The following TTYH1 variants were observed in gnomAD, a reference collection of about 807,000 sequenced individuals.
TTYH1 encodes tweety family member 1.
Under a neutral mutation model 61.2 loss-of-function variants are expected in TTYH1, and 33 were observed. The ratio of observed to expected loss-of-function variants is 0.54; its 90% CI spans 0.41 to 0.72. The LOEUF (loss-of-function observed/expected upper bound fraction) is 0.72. Among genes scored for constraint, TTYH1 ranks in the 30% least tolerant of loss-of-function variants. The pLI is 0.00. For missense variants in TTYH1, 538 were observed against 575.8 expected, an observed-to-expected ratio of 0.93 and a Z score of 0.67; for synonymous variants, 308 against 266.4, an observed-to-expected ratio of 1.16 and a Z score of -1.52.
At chr19:54,428,993 C>T (rs1009161376) in intron 5 of TTYH1, among the ~76,000 whole-genome samples, 7 of 152,126 alleles carry the variant, frequency 4.6e-5, no homozygotes, top group Non-Finnish European at 8.8e-5. Flanking sequence ...GGGGAGCCTT[C>T]GGGGGAAGTG....
At position 54,430,822 on chromosome 19, in the gene TTYH1, C is replaced by T. The variant is rs199946983; in HGVS notation, c.949C>T (p.Leu317=). 1.2e-6 allele frequency: 2 copies of T among 1,613,970 alleles called. No individual in the cohort carries two copies. Among genetic ancestry groups the T allele is most frequent in the Non-Finnish European group, 1.7e-6 (2 of 1,179,944 alleles). Residue 317 remains leucine (L), a synonymous_variant, in exon 9 of 14, where the codon CTG becomes TTG. Transcript: ENST00000376530. ...CTTTCTCTTTCTGCAGAGGCTGACT[C>T]TGTCCCAGCGAGCTCTGGCCAACAT... The part of the protein sequence containing the change: ...VSNPFQQRLT[L]SQRALANIHS...
Position 54,420,506 on chromosome 19 carries a change from G to A in TTYH1, c.306-771G>A, listed in dbSNP as rs183400220. ...GGAGGCCCAGCCGGGGCTGGGAACCGGGAGGGTGTCAGGCTCCCGCCCCCT... is the reference window on the plus strand; with the variant it reads ...GGAGGCCCAGCCGGGGCTGGGAACCAGGAGGGTGTCAGGCTCCCGCCCCCT... On this transcript the variant is annotated intron_variant, in intron 2 of 13. Transcript: ENST00000376530. The surrounding 1 kb of genome is among the most constrained non-coding windows in gnomAD (Gnocchi z 4.8). 1.1e-3 allele frequency among the ~76,000 whole-genome samples: 170 copies of A among 151,936 alleles called. No individual in the cohort carries two copies. Among genetic ancestry groups the A allele is most frequent in the African/African-American group, 3.2e-3 (132 of 41,460 alleles).
rs994001308 is a variant in TTYH1, at chr19:54,419,153, C to T, written c.152C>T (p.Ala51Val). Residue 51 changes from alanine (A) to valine (V), a missense_variant, in exon 2 of 14, where the codon GCG (alanine) becomes GTG (valine). Coordinates refer to ENST00000376530, the MANE Select transcript of TTYH1 (RefSeq NM_020659.4). The surrounding 1 kb of genome is among the most constrained non-coding windows in gnomAD (Gnocchi z 6.1). ...QQALLLVAAL[A>V]GLGLGLSLIF... Reference sequence around the variant, plus strand: ...GCCTTGTTGCTGGTGGCGGCCTTGGCGGGCCTGGGCTTGGGCCTGAGCCTC... The same window carrying T: ...GCCTTGTTGCTGGTGGCGGCCTTGGTGGGCCTGGGCTTGGGCCTGAGCCTC... 28 of 1,612,162 alleles carry T rather than the reference C, an allele frequency of 1.7e-5. 1 individual carries two copies. The highest frequency in any genetic ancestry group is 1.3e-4 in the Admixed American group (8 of 59,820).
chr19:54,435,499 G>T, intron 10 of TTYH1, 43 bp from the exon 11 acceptor site: 2 of 1,553,328 alleles, frequency 1.3e-6, no homozygotes, highest in Non-Finnish European at 1.7e-6. Context: ...TGCCGATGGG[G>T]GAGGGGGTGG....
intron 10 of TTYH1, chr19:54,433,611 T>C (rs986081052): frequency 2.1e-5 from 3 of 145,426 alleles, no homozygotes; most frequent in African/African-American, 7.7e-5. Context: ...CTCGTGCCTA[T>C]AAACCCAGCA....
In TTYH1 at chr19:54,416,987, G is replaced by A; in HGVS notation, c.126+1309G>A. On this transcript the variant is annotated intron_variant, in intron 1 of 13. Coordinates refer to ENST00000376530, the MANE Select transcript of TTYH1 (RefSeq NM_020659.4). This position sits in a 1 kb window ranked among gnomAD's most constrained non-coding sequence, Gnocchi z 7.0. The stretch of plus-strand genomic sequence containing the variant: ...CGGGGGTCAGGGTCAGGGTGGCAGG[G>A]ATGCGCGGGCAGAGCCCCACAGCCG... 2 of 1,206,696 alleles carry A rather than the reference G, an allele frequency of 1.7e-6. No homozygotes were observed. Among genetic ancestry groups the A allele is most frequent in the Non-Finnish European group, 2.1e-6 (2 of 950,200 alleles). The allele number at this position is 1,206,696 out of a possible 1,614,324, so 74.7% of individuals were successfully genotyped here. A position where few individuals can be genotyped will look rare whatever the true frequency, so the allele number is the denominator to read the frequency against.
chr19:54,418,073 C>T (rs1041965519), intron 1 of TTYH1, among the ~76,000 whole-genome samples: 3 of 151,882 alleles, frequency 2.0e-5, no homozygotes, highest in African/African-American at 7.3e-5. Flanking sequence ...GCAGAAACAC[C>T]GTGGTTTAGG....
rs2083190964 is a variant in TTYH1, at chr19:54,420,554, G to C, written c.306-723G>C. On this transcript the variant is annotated intron_variant, in intron 2 of 13. Transcript: ENST00000376530. This position sits in a 1 kb window ranked among gnomAD's most constrained non-coding sequence, Gnocchi z 4.8. ...CCTCCACTGCGGGACACCGGCCGGG[G>C]GCGGGGACGGGAGGGGTCTGGGGCC... 6.6e-6 allele frequency: 1 copy of C among 152,564 alleles called. No homozygotes were observed. The highest frequency in any genetic ancestry group is 2.4e-5 in the African/African-American group (1 of 41,390). The allele number at this position is 152,564 out of a possible 1,614,324, so 9.5% of individuals were successfully genotyped here. A position where few individuals can be genotyped will look rare whatever the true frequency, so the allele number is the denominator to read the frequency against.
chr19:54,416,849 C>T lies in TTYH1; in HGVS notation c.126+1171C>T. 2 of 1,293,316 alleles carry T rather than the reference C, an allele frequency of 1.5e-6. No homozygotes were observed. Among genetic ancestry groups the T allele is most frequent in the Non-Finnish European group, 1.0e-6 (1 of 988,638 alleles). The allele number at this position is 1,293,316 out of a possible 1,614,324, so 80.1% of individuals were successfully genotyped here. On this transcript the variant is annotated intron_variant, in intron 1 of 13. Transcript: ENST00000376530. The surrounding 1 kb of genome is among the most constrained non-coding windows in gnomAD (Gnocchi z 7.0). ...CGCTCCACCGGCTCCGGCCTCGGCCCAGACTCACGCCCGCTCTGGCCCGGA... is the reference window on the plus strand; with the variant it reads ...CGCTCCACCGGCTCCGGCCTCGGCCTAGACTCACGCCCGCTCTGGCCCGGA...
Position 54,416,861 on chromosome 19 carries a change from C to T in TTYH1, c.126+1183C>T. 3.9e-6 allele frequency: 5 copies of T among 1,292,390 alleles called. No homozygotes were observed. Among genetic ancestry groups the T allele is most frequent in the Non-Finnish European group, 4.0e-6 (4 of 988,342 alleles). The allele number at this position is 1,292,390 out of a possible 1,614,324, so 80.1% of individuals were successfully genotyped here. ...TCCGGCCTCGGCCCAGACTCACGCCCGCTCTGGCCCGGAGACCTCCCGAAG... is the reference window on the plus strand; with the variant it reads ...TCCGGCCTCGGCCCAGACTCACGCCTGCTCTGGCCCGGAGACCTCCCGAAG... On this transcript the variant is annotated intron_variant, in intron 1 of 13. Coordinates refer to ENST00000376530, the MANE Select transcript of TTYH1 (RefSeq NM_020659.4). This position sits in a 1 kb window ranked among gnomAD's most constrained non-coding sequence, Gnocchi z 7.0.
chr19:54,427,827 G>A (rs948296533), intron 5 of TTYH1, among the ~76,000 whole-genome samples: 2 of 152,090 alleles, frequency 1.3e-5, no homozygotes, highest in Non-Finnish European at 1.5e-5. Flanking sequence ...TTCACAGCTC[G>A]CTCTACGCGC....
Position 54,429,797 on chromosome 19 carries a change from G to T in TTYH1, c.808-85G>T. 1 of 1,220,334 alleles carries T rather than the reference G, an allele frequency of 8.2e-7. No individual in the cohort carries two copies. Among genetic ancestry groups the T allele is most frequent in the Non-Finnish European group, 1.2e-6 (1 of 837,114 alleles). 75.6% of individuals were successfully genotyped at this position (1,220,334 alleles called of 1,614,324 possible). ...CCTGGACCCCTGGGTGGGGAGGGGA[G>T]CTGGGGAGCCAGGCACTGGGTGCTG... On this transcript the variant is annotated intron_variant, in intron 6 of 13. Transcript: ENST00000376530. This position sits in a 1 kb window ranked among gnomAD's most constrained non-coding sequence, Gnocchi z 5.1.
chr19:54,432,052 T>A (rs1043557479), intron 10 of TTYH1: 1 of 152,096 alleles, frequency 6.6e-6, no homozygotes, highest in Admixed American at 6.6e-5. Flanking sequence ...ATACCCCGTC[T>A]CTACTAAAAA....
In TTYH1 at chr19:54,417,673, G is replaced by C. The variant is rs190299393; in HGVS notation, c.127-1455G>C. On this transcript the variant is annotated intron_variant, in intron 1 of 13. Coordinates refer to ENST00000376530, the MANE Select transcript of TTYH1 (RefSeq NM_020659.4). ...CTCATGCATGCACCGTCACATACACGTTTATACTCCCATACACACACACAC... is the reference window on the plus strand; with the variant it reads ...CTCATGCATGCACCGTCACATACACCTTTATACTCCCATACACACACACAC... Among the ~76,000 whole-genome samples the C allele has an allele frequency of 1.1e-4, 16 of 146,922 alleles. No individual in the cohort carries two copies. In the East Asian group the frequency reaches 2.0e-3, roughly 19 times the overall value.
Position 54,416,606 on chromosome 19 carries a change from A to G in TTYH1, c.126+928A>G. 1 of 523,386 alleles carries G rather than the reference A, an allele frequency of 1.9e-6. No homozygotes were observed. The highest frequency in any genetic ancestry group is 2.1e-5 in the African/African-American group (1 of 48,058). The allele number at this position is 523,386 out of a possible 1,614,324, so 32.4% of individuals were successfully genotyped here. On this transcript the variant is annotated intron_variant, in intron 1 of 13. Transcript: ENST00000376530. This position sits in a 1 kb window ranked among gnomAD's most constrained non-coding sequence, Gnocchi z 7.0. ...CTCCGTCTTGGGTTGCTCCTGGGAG[A>G]AGGGGGCTGGGATTGGAGAGCTCAG...
rs764434868 is a variant in TTYH1, at chr19:54,426,752, A to G, written c.718A>G (p.Lys240Glu). 6.2e-7 allele frequency: 1 copy of G among 1,613,964 alleles called. No individual in the cohort carries two copies. The highest frequency in any genetic ancestry group is 8.5e-7 in the Non-Finnish European group (1 of 1,179,996). ...FTLLGLAKQS[K>E]WLVIVMTVMS... Reference sequence around the variant, plus strand: ...CCTCCTGGGCCTGGCGAAGCAGAGCAAGTGGCTGGTGATCGTGTAAGTGCA... The same window carrying G: ...CCTCCTGGGCCTGGCGAAGCAGAGCGAGTGGCTGGTGATCGTGTAAGTGCA... The change falls in exon 5 of 14, where the codon AAG becomes GAG. Residue 240 changes from lysine to glutamate, a missense_variant. This residue lies in a region of TTYH1 where 378 missense variants were observed against 401.2 expected (regional missense o/e 0.94). Transcript: ENST00000376530.
In TTYH1 at chr19:54,434,364, A is replaced by G. The variant is rs1320952332; in HGVS notation, c.1126-1178A>G. ...AAATCCCTGTTCCTCGCCCTGACCT[A>G]CAAGGGCCTGGGTGGTCAGTCCTGG... On this transcript the variant is annotated intron_variant, in intron 10 of 13. Transcript: ENST00000376530. This position sits in a 1 kb window ranked among gnomAD's most constrained non-coding sequence, Gnocchi z 4.3. 1 of 152,380 alleles carries G rather than the reference A, an allele frequency of 6.6e-6. No homozygotes were observed. The highest frequency in any genetic ancestry group is 6.5e-5 in the Admixed American group (1 of 15,284). The allele number at this position is 152,380 out of a possible 1,614,324, so 9.4% of individuals were successfully genotyped here. A position where few individuals can be genotyped will look rare whatever the true frequency, so the allele number is the denominator to read the frequency against.
At position 54,422,113 on chromosome 19, in the gene TTYH1, C is replaced by T. The variant is rs554582357; in HGVS notation, c.418-77C>T. 7.1e-5 allele frequency: 90 copies of T among 1,271,304 alleles called. No homozygotes were observed. The African/African-American group carries it at 1.3e-3, about 18-fold the overall frequency. 78.8% of individuals were successfully genotyped at this position (1,271,304 alleles called of 1,614,324 possible). ...CCCGCTACTATGCACCCCTCCTTCA[C>T]TTCTAAAACCCCATGCCTCGACCGC... On this transcript the variant is annotated intron_variant, in intron 3 of 13. Coordinates refer to ENST00000376530, the MANE Select transcript of TTYH1 (RefSeq NM_020659.4).
Position 54,424,202 on chromosome 19 carries a change from C to A in TTYH1, c.638+1792C>A, listed in dbSNP as rs371019251. Among the ~76,000 whole-genome samples, 197 of 151,712 alleles carry A rather than the reference C, an allele frequency of 1.3e-3. 8 individuals are homozygous for A. In the South Asian group the frequency reaches 0.04, roughly 31 times the overall value. ...AATTATAGAGGGAGATGAGGTGGGACAGAGTCTGGCAGTTCATCAGGGGGA... is the reference window on the plus strand; with the variant it reads ...AATTATAGAGGGAGATGAGGTGGGAAAGAGTCTGGCAGTTCATCAGGGGGA... On this transcript the variant is annotated intron_variant, in intron 4 of 13. Coordinates refer to ENST00000376530, the MANE Select transcript of TTYH1 (RefSeq NM_020659.4).
Sources: allele counts gnomAD v4.1 joint callset (sites outside exome capture counted in the v4.1 genomes callset), GRCh38; gene constraint gnomAD v4.1.1; regional missense constraint gnomAD v4.1.1; non-coding constraint Gnocchi (gnomAD v3.1); transcripts MANE v1.5; gene names NCBI Gene and HGNC (gene_info 2026-07-23, HGNC 2026-07-21).